Variants in CFAP65 observed in about 807,000 individuals in gnomAD.
The protein encoded by CFAP65 is cilia and flagella associated protein 65, also known as cilia- and flagella-associated protein 65.
CFAP65 carries 155 observed loss-of-function variants against 208.0 expected under a neutral mutation model. The observed-to-expected ratio is 0.75, with a 90% confidence interval of 0.65 to 0.85. CFAP65 has a LOEUF of 0.85. Among genes scored for constraint, CFAP65 ranks in the 40% least tolerant of loss-of-function variants. The pLI is 0.00. For synonymous variants in CFAP65, 970 were observed against 986.3 expected (o/e 0.98, Z 0.31); for missense variants, 2,294 against 2,451.3 (o/e 0.94, Z 1.36).
At chr2:219,007,802 A>G (rs539647586) in intron 29 of CFAP65, among the ~76,000 whole-genome samples, 1 of 151,376 alleles carries the variant, frequency 6.6e-6, no homozygotes, top group East Asian at 2.0e-4. Context: ...ATTAAAAAGT[A>G]TTTTTAGACT....
chr2:219,022,058 T>C (rs1947298614), intron 17 of CFAP65, 113 bp downstream of exon 17: 1 of 1,505,270 alleles, frequency 6.6e-7, no homozygotes, highest in East Asian at 2.3e-5. Flanking sequence ...AGAGGGCTCC[T>C]ATCCTCTGCC....
At chr2:219,021,045 A>G (rs1020803500) in intron 19 of CFAP65, 107 bp downstream of exon 19, 1 of 1,311,244 alleles carries the variant, frequency 7.6e-7, no homozygotes, top group Non-Finnish European at 1.0e-6. Context: ...CACCCCACTC[A>G]CCCTGCCAGC....
Position 219,030,039 on chromosome 2 carries a change from A to G in CFAP65, c.1331T>C (p.Met444Thr), listed in dbSNP as rs1341408062. The G allele has an allele frequency of 6.2e-7, 1 of 1,614,012 alleles. No individual in the cohort carries two copies. The highest frequency in any genetic ancestry group is 8.5e-7 in the Non-Finnish European group (1 of 1,180,010). ...DTRTVDYCSI[M>T]PSGCASKTLL... is the part of the protein sequence containing the mutation. The stretch of plus-strand genomic sequence containing the variant: ...GGTCTTGGAGGCACAGCCAGAAGGC[A>G]TGATGGAGCAGTAGTCCACAGTTCT... The change falls in exon 10 of 35, where the codon ATG (methionine) becomes ACG (threonine). Residue 444 changes from methionine to threonine, a missense_variant. By Grantham distance (81) the Met-to-Thr change is moderately conservative (BLOSUM62 -1). Around this residue, in one of 2 missense-constraint regions of CFAP65, gnomAD observed 867 missense variants for 1,012.6 expected, o/e 0.86. Transcript: ENST00000341552.
chr2:219,003,931 C>T lies in CFAP65; in HGVS notation c.5555+21G>A. The T allele has an allele frequency of 6.2e-7, 1 of 1,600,200 alleles. No homozygotes were observed. Among genetic ancestry groups the T allele is most frequent in the Non-Finnish European group, 8.5e-7 (1 of 1,171,834 alleles). On this transcript the variant is annotated intron_variant, in intron 33 of 34. Coordinates refer to ENST00000341552, the MANE Select transcript of CFAP65 (RefSeq NM_194302.4). This position sits in a 1 kb window ranked among gnomAD's most constrained non-coding sequence, Gnocchi z 4.4. ...CTGCACTTCGCCTCCCTCCCGTCCT[C>T]ACTGGGGCCTGGCTGCTCACCTTCT...
rs573522770 is a variant in CFAP65, at chr2:219,031,245, C to T, written c.876G>A (p.Thr292=). ...FSSPFQMLPA[T]GLLEPGQASQ... ...AGGCCTGGCCTGGCTCCAGGAGCCC[C>T]GTGGCGGGCAGCATCTGGAATGGGC... The change falls in exon 8 of 35, where the codon ACG becomes ACA. Residue 292 remains threonine (T), a synonymous_variant. Transcript: ENST00000341552. The surrounding 1 kb of genome is among the most constrained non-coding windows in gnomAD (Gnocchi z 5.2). 16 of 1,613,802 alleles carry T rather than the reference C, an allele frequency of 9.9e-6. No homozygotes were observed. Among genetic ancestry groups the T allele is most frequent in the Middle Eastern group, 1.7e-4 (1 of 6,060 alleles).
chr2:219,030,973 TGGGCTTGGGGGA>T, intron 8 of CFAP65, 121 bp downstream of exon 8: 3 of 1,429,654 alleles, frequency 2.1e-6, no homozygotes, highest in Non-Finnish European at 2.8e-6. Context: ...CAAAGCCTTC[TGGGCTTGGGGGA>T]GGGCAGGAGG....
At chr2:219,029,900 C>G in intron 10 of CFAP65, 86 bp downstream of exon 10, 1 of 1,372,714 alleles carries the variant, frequency 7.3e-7, no homozygotes, top group Non-Finnish European at 1.0e-6. Flanking sequence ...GGTGGCCCCG[C>G]CTCCTAGGAG....
chr2:219,004,249 T>C lies in CFAP65; in HGVS notation c.5258A>G (p.His1753Arg). 1 of 1,614,096 alleles carries C rather than the reference T, an allele frequency of 6.2e-7. No homozygotes were observed. The highest frequency in any genetic ancestry group is 8.5e-7 in the Non-Finnish European group (1 of 1,180,018). Residue 1753 changes from histidine (H) to arginine (R), a missense_variant, in exon 33 of 35, where the codon CAC becomes CGC. By Grantham distance (29) the His-to-Arg change is conservative. Around this residue, in one of 2 missense-constraint regions of CFAP65, gnomAD observed 1,427 missense variants for 1,438.7 expected, o/e 0.99. Transcript: ENST00000341552. This position sits in a 1 kb window ranked among gnomAD's most constrained non-coding sequence, Gnocchi z 4.7. ...GKQPKEDRPE[H>R]YPGLGKKEEG... The stretch of plus-strand genomic sequence containing the variant: ...TTCCTTCTTTCCCAACCCTGGATAG[T>C]GCTCTGGTCTGTCTTCCTTCGGCTG...
At chr2:219,036,170 G>A (rs1358996834) in intron 4 of CFAP65, among the ~76,000 whole-genome samples, 1 of 152,168 alleles carries the variant, frequency 6.6e-6, no homozygotes, top group Non-Finnish European at 1.5e-5. Context: ...TGGGGCAGAG[G>A]AGGAGCCAAT....
At chr2:219,025,780 A>G (rs924114682) in intron 14 of CFAP65, among the ~76,000 whole-genome samples, 2 of 152,154 alleles carry the variant, frequency 1.3e-5, no homozygotes, top group Non-Finnish European at 1.5e-5. Flanking sequence ...AGTATTTCCA[A>G]TGGAGCAGCA....
In CFAP65 at chr2:219,004,044, C is replaced by G. The variant is rs1387009000; in HGVS notation, c.5463G>C (p.Glu1821Asp). 2 of 1,613,994 alleles carry G rather than the reference C, an allele frequency of 1.2e-6. No individual in the cohort carries two copies. The highest frequency in any genetic ancestry group is 3.3e-5 in the Admixed American group (2 of 60,002). The change falls in exon 33 of 35, where the codon GAG becomes GAC. Residue 1821 changes from glutamate (E) to aspartate (D), a missense_variant. Physicochemically the swap from Glu to Asp is conservative, Grantham distance 45 (BLOSUM62 2). This residue lies in a region of CFAP65 where 1,427 missense variants were observed against 1,438.7 expected (regional missense o/e 0.99). Transcript: ENST00000341552. The surrounding 1 kb of genome is among the most constrained non-coding windows in gnomAD (Gnocchi z 4.7). ...WAGIGPTPQP[E>D]SQESMQWQWQ... ...ACTGCCATTGCATGGACTCCTGGGACTCAGGCTGTGGTGTGGGCCCGATGC... is the reference window on the plus strand; with the variant it reads ...ACTGCCATTGCATGGACTCCTGGGAGTCAGGCTGTGGTGTGGGCCCGATGC...
At chr2:219,015,882 T>C (rs189098318) in intron 21 of CFAP65, among the ~76,000 whole-genome samples, 114 of 152,296 alleles carry the variant, frequency 7.5e-4, no homozygotes, top group African/African-American at 2.7e-3. Context: ...GCGTTAGATA[T>C]ATGTATTGAT....
At chr2:219,018,760 T>C (rs1947072913) in intron 21 of CFAP65, 1 of 406,622 alleles carries the variant, frequency 2.5e-6, no homozygotes. Context: ...ATGCAGCAGA[T>C]GCCCAGTGAA....
chr2:219,019,868 C>T, intron 19 of CFAP65, 149 bp from the exon 20 acceptor site: 1 of 635,316 alleles, frequency 1.6e-6, no homozygotes, highest in Non-Finnish European at 2.8e-6. Context: ...TAGGGCATTT[C>T]CAACAACAGC....
At chr2:219,029,179 G>A (rs1264243931) in intron 11 of CFAP65, among the ~76,000 whole-genome samples, 1 of 152,238 alleles carries the variant, frequency 6.6e-6, no homozygotes, top group Non-Finnish European at 1.5e-5. Flanking sequence ...GCAGCAAAGC[G>A]CCTGGCCTGG....
chr2:219,040,688 A>G, intron 1 of CFAP65, 124 bp from the exon 2 acceptor site: 1 of 1,425,266 alleles, frequency 7.0e-7, no homozygotes, highest in South Asian at 1.3e-5. Flanking sequence ...CAGAGCTCTG[A>G]AAAAGTCTCC....
At position 219,024,693 on chromosome 2, in the gene CFAP65, C is replaced by G. The variant is rs1296865013; in HGVS notation, c.2350-433G>C. On this transcript the variant is annotated intron_variant, in intron 14 of 34. Transcript: ENST00000341552. ...GGCTCCTGCCTGTAATCCCAGCACT[C>G]CGGGAGGCTGAGGCAGGTGGATCAC... Among the ~76,000 whole-genome samples, 4 of 152,228 alleles carry G rather than the reference C, an allele frequency of 2.6e-5. No individual in the cohort carries two copies. In the East Asian group the frequency reaches 7.7e-4, roughly 29 times the overall value.
intron 2 of CFAP65, 32 bp downstream of exon 2, chr2:219,040,487 T>C: frequency 9.0e-7 from 1 of 1,117,058 alleles, no homozygotes; most frequent in Non-Finnish European, 1.3e-6. Flanking sequence ...GGTACTGTGC[T>C]AGGCACCAGA....
intron 31 of CFAP65, among the ~76,000 whole-genome samples, chr2:219,005,770 A>T (rs1440654586): frequency 6.6e-6 from 1 of 152,128 alleles, no homozygotes; most frequent in African/African-American, 2.4e-5. Context: ...TCCCAGTTGG[A>T]AAAAGAAGGA....
Sources: gnomAD v4.1 joint callset for allele counts (sites outside exome capture counted in the v4.1 genomes callset) on GRCh38, gnomAD v4.1.1 for gene constraint, gnomAD v4.1.1 regional missense constraint, Gnocchi (gnomAD v3.1) non-coding constraint, MANE v1.5 for transcripts, NCBI Gene and HGNC (gene_info 2026-07-23, HGNC 2026-07-21) for gene names.